FIGN: variants seen among roughly 807,000 people sequenced by gnomAD.
FIGN encodes the protein fidgetin.
A neutral mutation model predicts 51.3 loss-of-function variants in FIGN; 11 were observed. The ratio of observed to expected loss-of-function variants is 0.21; its 90% CI spans 0.13 to 0.35. The LOEUF is 0.35. Ranked by LOEUF, FIGN falls within the 10% of genes least tolerant of loss-of-function variation. The pLI is 1.00. For missense variants in FIGN, 857 were observed against 943.6 expected (o/e 0.91, Z 1.20); for synonymous variants, 407 against 363.2 (o/e 1.12, Z -1.37).
At chr2:163,694,119 G>A (rs949764488) in intron 2 of FIGN, among the ~76,000 whole-genome samples, 4 of 152,130 alleles carry the variant, frequency 2.6e-5, no homozygotes, top group Non-Finnish European at 4.4e-5. Context: ...TCTAGGTTTG[G>A]TGGAGCTTTT....
chr2:163,733,736 T>C (rs1684967299), intron 2 of FIGN, among the ~76,000 whole-genome samples: 1 of 152,126 alleles, frequency 6.6e-6, no homozygotes, highest in South Asian at 2.1e-4. Flanking sequence ...GTCACCAGAG[T>C]CCAACCAGAC....
chr2:163,674,880 G>A (rs1683933225), intron 2 of FIGN, among the ~76,000 whole-genome samples: 1 of 152,114 alleles, frequency 6.6e-6, no homozygotes, highest in Non-Finnish European at 1.5e-5. Flanking sequence ...GAGGCATTGA[G>A]TATTTAAATG....
chr2:163,611,194 G>C lies in FIGN; in HGVS notation c.638C>G (p.Pro213Arg), dbSNP rs1232608017. The C allele has an allele frequency of 6.2e-7, 1 of 1,614,014 alleles. No homozygotes were observed. The highest frequency in any genetic ancestry group is 8.5e-7 in the Non-Finnish European group (1 of 1,180,022). The change falls in exon 3 of 3, where the codon CCT (proline) becomes CGT (arginine). Residue 213 changes from proline to arginine, a missense_variant. Coordinates refer to ENST00000333129, the MANE Select transcript of FIGN (RefSeq NM_018086.4). ...CTGTAGTAGCCCAGAGCTATGCAAA[G>C]GAGACGGATGAGGTGAAGGAAGTGC... The part of the protein sequence containing the change: ...APALPSPHPS[P>R]LHSSGLLQPP...
chr2:163,640,294 A>G (rs1683288385), intron 2 of FIGN, among the ~76,000 whole-genome samples: 1 of 152,188 alleles, frequency 6.6e-6, no homozygotes, highest in Non-Finnish European at 1.5e-5. Flanking sequence ...TGTTTATGTA[A>G]CAAAAATAGA....
chr2:163,725,065 C>T (rs146073738), intron 2 of FIGN, among the ~76,000 whole-genome samples: 1 of 152,116 alleles, frequency 6.6e-6, no homozygotes, highest in Non-Finnish European at 1.5e-5. Context: ...TGCCTCCTTC[C>T]CCTATTCCTA....
In FIGN at chr2:163,661,045, A is replaced by T. The variant is rs1482054887; in HGVS notation, c.26-49239T>A. The stretch of plus-strand genomic sequence containing the variant: ...ATTACAGGCGCCCGCCACCACGCCC[A>T]GCTAATTTTTGCATTTTTAGTAGAG... On this transcript the variant is annotated intron_variant, in intron 2 of 2. Coordinates refer to ENST00000333129, the MANE Select transcript of FIGN (RefSeq NM_018086.4). 7.6e-5 allele frequency among the ~76,000 whole-genome samples: 11 copies of T among 144,888 alleles called. No individual in the cohort carries two copies. In the South Asian group the frequency reaches 2.2e-3, roughly 29 times the overall value.
chr2:163,649,390 T>C (rs1683434935), intron 2 of FIGN, among the ~76,000 whole-genome samples: 1 of 152,196 alleles, frequency 6.6e-6, no homozygotes, highest in South Asian at 2.1e-4. Context: ...AGCTTCGCCT[T>C]TTCTGCTTTT....
At chr2:163,718,658 T>C (rs891800448) in intron 2 of FIGN, among the ~76,000 whole-genome samples, 10 of 152,194 alleles carry the variant, frequency 6.6e-5, no homozygotes, top group Non-Finnish European at 1.5e-4. Flanking sequence ...CCAGAGAATT[T>C]ATGAACTGTA....
At chr2:163,685,100 T>C (rs1684126870) in intron 2 of FIGN, among the ~76,000 whole-genome samples, 1 of 152,094 alleles carries the variant, frequency 6.6e-6, no homozygotes. Flanking sequence ...TAACTTTCTT[T>C]AAGGTTGGGT....
intron 2 of FIGN, among the ~76,000 whole-genome samples, chr2:163,624,029 T>G (rs1683014416): frequency 6.7e-6 from 1 of 149,762 alleles, no homozygotes; most frequent in African/African-American, 2.4e-5. Context: ...TAACAGGTTT[T>G]TTTTTTCTAT....
chr2:163,698,053 C>T (rs1299915368), intron 2 of FIGN, among the ~76,000 whole-genome samples: 1 of 152,118 alleles, frequency 6.6e-6, no homozygotes, highest in African/African-American at 2.4e-5. Flanking sequence ...AGAGCATGAG[C>T]TTTGGAATGA....
intron 2 of FIGN, among the ~76,000 whole-genome samples, chr2:163,676,517 A>C (rs2105336536): frequency 7.0e-6 from 1 of 143,606 alleles, no homozygotes; most frequent in African/African-American, 2.5e-5. Context: ...TGAGAAACAT[A>C]GTTTTATACT....
chr2:163,658,063 A>G (rs1334394870), intron 2 of FIGN, among the ~76,000 whole-genome samples: 1 of 152,194 alleles, frequency 6.6e-6, no homozygotes, highest in Non-Finnish European at 1.5e-5. Flanking sequence ...GGACTATTTC[A>G]TTCTTTTAAT....
intron 2 of FIGN, among the ~76,000 whole-genome samples, chr2:163,729,609 A>C (rs1052387093): frequency 1.3e-5 from 2 of 152,172 alleles, no homozygotes; most frequent in Admixed American, 1.3e-4. Flanking sequence ...CAAAAATACC[A>C]ATACTTAAGC....
chr2:163,636,515 C>T (rs1573918175), intron 2 of FIGN, among the ~76,000 whole-genome samples: 2 of 152,068 alleles, frequency 1.3e-5, no homozygotes, highest in African/African-American at 4.8e-5. Flanking sequence ...GAACTCCCAA[C>T]CTCAGGTGAT....
chr2:163,722,082 C>T (rs1239228517), intron 2 of FIGN, among the ~76,000 whole-genome samples: 1 of 152,128 alleles, frequency 6.6e-6, no homozygotes, highest in Admixed American at 6.5e-5. Context: ...CACACAAACC[C>T]AACTGGTAAA....
At chr2:163,628,470 C>T (rs956222904) in intron 2 of FIGN, among the ~76,000 whole-genome samples, 7 of 152,144 alleles carry the variant, frequency 4.6e-5, no homozygotes, top group Admixed American at 1.3e-4. Flanking sequence ...GATAGAGGTA[C>T]ATACGAAGCT....
intron 2 of FIGN, among the ~76,000 whole-genome samples, chr2:163,684,170 C>A (rs1371363121): frequency 6.6e-6 from 1 of 152,080 alleles, no homozygotes; most frequent in Non-Finnish European, 1.5e-5. Flanking sequence ...TATCTTTACA[C>A]ACACACACAC....
In FIGN at chr2:163,603,716, C is replaced by G. The variant is rs970245046; in HGVS notation, c.*5836G>C. On this transcript the variant is annotated 3_prime_UTR_variant, in exon 3 of 3. Coordinates refer to ENST00000333129, the MANE Select transcript of FIGN (RefSeq NM_018086.4). ...GTTGTGGATTGTCACAGTTCATTTG[C>G]TTTTGTAAAATATCCACAATTTGCT... The G allele has an allele frequency of 6.6e-6, 1 of 152,036 alleles. No homozygotes were observed. The highest frequency in any genetic ancestry group is 1.5e-5 in the Non-Finnish European group (1 of 67,972). 9.4% of individuals were successfully genotyped at this position (152,036 alleles called of 1,614,324 possible).
Sources: gnomAD v4.1 joint callset for allele counts (sites outside exome capture counted in the v4.1 genomes callset) on GRCh38, gnomAD v4.1.1 for gene constraint, MANE v1.5 for transcripts, NCBI Gene and HGNC (gene_info 2026-07-23, HGNC 2026-07-21) for gene names.